Variants in OLFM3 observed in about 807,000 individuals in gnomAD.
OLFM3 encodes the protein noelin-3.
OLFM3 carries 20 observed loss-of-function variants against 48.6 expected under a neutral mutation model. The ratio of observed to expected loss-of-function variants is 0.41; its 90% CI spans 0.29 to 0.60. The LOEUF (loss-of-function observed/expected upper bound fraction) is 0.60. Among genes scored for constraint, OLFM3 ranks in the 20% least tolerant of loss-of-function variants. The pLI, the probability that OLFM3 is intolerant of heterozygous loss-of-function variation, is 0.28. For missense variants in OLFM3, 437 were observed against 544.3 expected (o/e 0.80, Z 1.96); for synonymous variants, 222 against 198.1 (o/e 1.12, Z -1.01).
chr1:101,910,196 G>C (rs1248513717), intron 1 of OLFM3: 4 of 936,612 alleles, frequency 4.3e-6, no homozygotes, highest in Non-Finnish European at 3.8e-6. Flanking sequence ...ACCGGGCGCG[G>C]TCGCTCACGC....
chr1:101,934,622 T>C (rs1333262763), intron 1 of OLFM3, among the ~76,000 whole-genome samples: 1 of 151,990 alleles, frequency 6.6e-6, no homozygotes, highest in Non-Finnish European at 1.5e-5. Context: ...CCAAATAGGC[T>C]TAACAGACAT....
chr1:101,959,467 A>T (rs1660403221), intron 1 of OLFM3, among the ~76,000 whole-genome samples: 1 of 152,112 alleles, frequency 6.6e-6, no homozygotes, highest in South Asian at 2.1e-4. Context: ...AATAACAGGT[A>T]TCCCTCATCA....
At chr1:101,957,305 C>T (rs79977862) in intron 1 of OLFM3, among the ~76,000 whole-genome samples, 10,141 of 151,992 alleles carry the variant, frequency 0.067, 393 homozygotes, top group South Asian at 0.15. Flanking sequence ...TCCTTTTCTT[C>T]CCCTTCTTTC....
intron 1 of OLFM3, among the ~76,000 whole-genome samples, chr1:101,951,812 A>C (rs1242056936): frequency 6.6e-6 from 1 of 152,192 alleles, no homozygotes; most frequent in East Asian, 1.9e-4. Context: ...CAGCAAAACC[A>C]TTCAAACTCA....
intron 1 of OLFM3, among the ~76,000 whole-genome samples, chr1:101,946,499 G>C (rs957603391): frequency 2.0e-5 from 3 of 152,120 alleles, no homozygotes; most frequent in Admixed American, 1.3e-4. Flanking sequence ...AGAATTGCTT[G>C]ATAGAGTCAT....
chr1:101,897,012 A>G (rs1364082806), intron 1 of OLFM3, among the ~76,000 whole-genome samples: 1 of 152,102 alleles, frequency 6.6e-6, no homozygotes, highest in Non-Finnish European at 1.5e-5. Flanking sequence ...AAAACTTAAC[A>G]TCTGTCATAG....
At chr1:101,979,363 C>A (rs1183766879) in intron 1 of OLFM3, among the ~76,000 whole-genome samples, 1 of 152,096 alleles carries the variant, frequency 6.6e-6, no homozygotes, top group Non-Finnish European at 1.5e-5. Context: ...ATTGTAATTC[C>A]TATAATCCCC....
At chr1:101,835,107 T>C (rs1054992228) in intron 2 of OLFM3, among the ~76,000 whole-genome samples, 1 of 151,960 alleles carries the variant, frequency 6.6e-6, no homozygotes, top group Admixed American at 6.6e-5. Flanking sequence ...AGAAAATCTC[T>C]CACCTTAGTT....
At chr1:101,976,973 T>C (rs1002296511) in intron 1 of OLFM3, among the ~76,000 whole-genome samples, 2 of 152,134 alleles carry the variant, frequency 1.3e-5, no homozygotes, top group Admixed American at 6.6e-5. Flanking sequence ...CCCTAGCTCA[T>C]GGACAACTTC....
intron 1 of OLFM3, among the ~76,000 whole-genome samples, chr1:101,852,022 A>ATC (rs1406747609): frequency 2.0e-5 from 3 of 152,058 alleles, no homozygotes; most frequent in Non-Finnish European, 4.4e-5. Context: ...CCTAGGTTAT[A>ATC]TCTCTCTCAC....
chr1:101,920,508 G>A (rs1412302304), intron 1 of OLFM3, among the ~76,000 whole-genome samples: 2 of 152,194 alleles, frequency 1.3e-5, no homozygotes, highest in African/African-American at 4.8e-5. Context: ...AACTAAATGT[G>A]AAGTAAAATA....
intron 1 of OLFM3, among the ~76,000 whole-genome samples, chr1:101,894,361 A>G (rs1227544069): frequency 6.6e-6 from 1 of 152,148 alleles, no homozygotes; most frequent in Non-Finnish European, 1.5e-5. Context: ...AGAAGTGATT[A>G]TTGCTGATTA....
chr1:101,867,615 G>A (rs1656906068), intron 1 of OLFM3, among the ~76,000 whole-genome samples: 1 of 152,180 alleles, frequency 6.6e-6, no homozygotes, highest in Non-Finnish European at 1.5e-5. Context: ...ACTCAGCGAT[G>A]AAGACCTTGT....
chr1:101,875,498 A>T (rs995029153), intron 1 of OLFM3, among the ~76,000 whole-genome samples: 3 of 152,058 alleles, frequency 2.0e-5, no homozygotes, highest in African/African-American at 7.2e-5. Context: ...AGATATAGGA[A>T]CACTACTTTC....
chr1:101,956,086 G>GTTTTTTTTTTTTTTTTT lies in OLFM3; in HGVS notation c.69+40645_69+40661dup, dbSNP rs71592232. Among the ~76,000 whole-genome samples the GTTTTTTTTTTTTTTTTT allele has an allele frequency of 1.2e-4, 13 of 105,068 alleles. No homozygotes were observed. The East Asian group carries it at 1.4e-3, about 12-fold the overall frequency. 68.9% of individuals were successfully genotyped at this position (105,068 alleles called of 152,430 possible). ...ATATCTCAATTCAACACAATAACAG[G>GTTTTTTTTTTTTTTTTT]TTTTTTTTTTTTTTTTTAAAAAAAA... On this transcript the variant is annotated intron_variant, in intron 1 of 5. Coordinates refer to ENST00000370103, the MANE Select transcript of OLFM3 (RefSeq NM_058170.4).
At chr1:101,966,317 TTGTG>T (rs60173488) in intron 1 of OLFM3, among the ~76,000 whole-genome samples, 10 of 128,062 alleles carry the variant, frequency 7.8e-5, no homozygotes, top group East Asian at 2.2e-4. Flanking sequence ...CCTGGCTAAT[TTGTG>T]TGTGTGTGTG....
chr1:101,869,047 T>G (rs1254436201), intron 1 of OLFM3, among the ~76,000 whole-genome samples: 5 of 152,318 alleles, frequency 3.3e-5, no homozygotes, highest in Non-Finnish European at 4.4e-5. Context: ...GGGGAAACAC[T>G]GCTGGGACAC....
intron 1 of OLFM3, among the ~76,000 whole-genome samples, chr1:101,847,917 A>C (rs1656076412): frequency 6.6e-6 from 1 of 152,104 alleles, no homozygotes; most frequent in Admixed American, 6.6e-5. Flanking sequence ...TAGCCATATG[A>C]CTGGCCGGTG....
chr1:101,914,593 G>A (rs1027957674), intron 1 of OLFM3, among the ~76,000 whole-genome samples: 17 of 152,140 alleles, frequency 1.1e-4, no homozygotes, highest in Admixed American at 3.9e-4. Context: ...GCTGTGACCT[G>A]TGCCAACATA....
Sources: gnomAD v4.1 joint callset for allele counts (sites outside exome capture counted in the v4.1 genomes callset) on GRCh38, gnomAD v4.1.1 for gene constraint, MANE v1.5 for transcripts, NCBI Gene and HGNC (gene_info 2026-07-23, HGNC 2026-07-21) for gene names.